FURIN: variants seen among roughly 807,000 people sequenced by gnomAD.
The protein encoded by FURIN is FES upstream region.
A neutral mutation model predicts 89.2 loss-of-function variants in FURIN; 18 were observed. The observed-to-expected ratio is 0.20, with a 90% CI of 0.14 to 0.30. The LOEUF is 0.30. FURIN is among the 10% of genes least tolerant of loss of function. The pLI is 1.00. For missense variants in FURIN, 879 were observed against 1,100.5 expected (o/e 0.80, Z 2.85); for synonymous variants, 508 against 466.4 (o/e 1.09, Z -1.15).
In FURIN at chr15:90,879,449, G is replaced by T; in HGVS notation, c.1059G>T (p.Thr353=). 1.2e-6 allele frequency: 2 copies of T among 1,611,366 alleles called. No homozygotes were observed. Among genetic ancestry groups the T allele is most frequent in the Non-Finnish European group, 1.7e-6 (2 of 1,177,726 alleles). The change falls in exon 10 of 16, where the codon ACG becomes ACT. Residue 353 remains threonine, a synonymous_variant. Transcript: ENST00000268171. ...TATGATTCTCTTCCTGGCAGGTGAC[G>T]ACTGACTTGCGGCAGAAGTGCACGG... ...SGNQNEKQIV[T]TDLRQKCTES... is the part of the protein sequence containing the mutation.
chr15:90,876,285 C>T lies in FURIN; in HGVS notation c.208C>T (p.Arg70Ter). ...IFGDYYHFWH[R>*]GVTKRSLSPH... is the part of the protein sequence containing the mutation. ...CGGGGACTATTACCACTTCTGGCATCGAGGAGTGACGAAGCGGTCCCTGTC... is the reference window on the plus strand; with the variant it reads ...CGGGGACTATTACCACTTCTGGCATTGAGGAGTGACGAAGCGGTCCCTGTC... Residue 70 changes from arginine (R) to a stop codon, truncating the protein, a stop_gained, in exon 3 of 16, where the codon CGA (arginine) becomes TGA (stop). Coordinates refer to ENST00000268171, the MANE Select transcript of FURIN (RefSeq NM_002569.4). LOFTEE classifies it high-confidence loss of function. This position sits in a 1 kb window ranked among gnomAD's most constrained non-coding sequence, Gnocchi z 5.0. 6.2e-7 allele frequency: 1 copy of T among 1,611,734 alleles called. No homozygotes were observed. The highest frequency in any genetic ancestry group is 8.5e-7 in the Non-Finnish European group (1 of 1,178,138).
In FURIN at chr15:90,876,424, T is replaced by C. The variant is rs202104093; in HGVS notation, c.277-38T>C. The C allele has an allele frequency of 1.3e-6, 2 of 1,552,870 alleles. No homozygotes were observed. The highest frequency in any genetic ancestry group is 2.7e-5 in the African/African-American group (2 of 73,272). ...GCTCTCAGGAGCCCCTCTCGCCTCC[T>C]GCTCCACCCACACCATCTCTCCCTC... On this transcript the variant is annotated intron_variant, in intron 3 of 15. Coordinates refer to ENST00000268171, the MANE Select transcript of FURIN (RefSeq NM_002569.4). This position sits in a 1 kb window ranked among gnomAD's most constrained non-coding sequence, Gnocchi z 5.0.
At chr15:90,879,070 A>G (rs1050873951) in intron 9 of FURIN, 94 bp downstream of exon 9, 2 of 798,796 alleles carry the variant, frequency 2.5e-6, no homozygotes, top group Admixed American at 2.2e-5. Context: ...CTCCACCCCC[A>G]TGTGGCTGGG....
At chr15:90,871,326 C>T (rs973218324) in intron 1 of FURIN, among the ~76,000 whole-genome samples, 4 of 152,154 alleles carry the variant, frequency 2.6e-5, no homozygotes, top group African/African-American at 9.6e-5. Context: ...AGAGCCGAGC[C>T]CGGGGGCGGG....
chr15:90,876,293 G>A lies in FURIN; in HGVS notation c.216G>A (p.Val72=), dbSNP rs757448938. The change falls in exon 3 of 16, where the codon GTG becomes GTA. Residue 72 remains valine, a synonymous_variant. Transcript: ENST00000268171. This position sits in a 1 kb window ranked among gnomAD's most constrained non-coding sequence, Gnocchi z 5.0. ...ATTACCACTTCTGGCATCGAGGAGT[G>A]ACGAAGCGGTCCCTGTCGCCTCACC... ...GDYYHFWHRG[V]TKRSLSPHRP... The A allele has an allele frequency of 1.2e-6, 2 of 1,612,834 alleles. No homozygotes were observed. The highest frequency in any genetic ancestry group is 1.7e-6 in the Non-Finnish European group (2 of 1,179,080).
Position 90,875,627 on chromosome 15 carries a change from T to C in FURIN, c.-114T>C. ...CCGAGCCCTGCCCGTCTCGGCCCCA[T>C]GCCCCCACCAGTCAGCCCCGGGCCA... On this transcript the variant is annotated 5_prime_UTR_variant, in exon 2 of 16. It removes an upstream start codon present in the reference 5' UTR. Transcript: ENST00000268171. The C allele has an allele frequency of 1.1e-6, 1 of 916,422 alleles. No homozygotes were observed. 56.8% of individuals were successfully genotyped at this position (916,422 alleles called of 1,614,324 possible). A position where few individuals can be genotyped will look rare whatever the true frequency, so the allele number is the denominator to read the frequency against.
At position 90,881,299 on chromosome 15, in the gene FURIN, C is replaced by T. The variant is rs1335782329; in HGVS notation, c.1806C>T (p.Gly602=). 1 of 1,600,590 alleles carries T rather than the reference C, an allele frequency of 6.2e-7. No homozygotes were observed. The highest frequency in any genetic ancestry group is 8.5e-7 in the Non-Finnish European group (1 of 1,171,026). The change falls in exon 16 of 16, where the codon GGC becomes GGT. Residue 602 remains glycine (G), a synonymous_variant. Coordinates refer to ENST00000268171, the MANE Select transcript of FURIN (RefSeq NM_002569.4). The surrounding 1 kb of genome is among the most constrained non-coding windows in gnomAD (Gnocchi z 4.3). ...SSQACVVCEE[G]FSLHQKSCVQ... ...CCACGCCGGCAGTGTGCGAGGAAGG[C>T]TTCTCCCTGCACCAGAAGAGCTGTG...
chr15:90,876,914 G>A lies in FURIN; in HGVS notation c.391G>A (p.Asp131Asn), dbSNP rs1305469194. 4 of 1,614,044 alleles carry A rather than the reference G, an allele frequency of 2.5e-6. No individual in the cohort carries two copies. The highest frequency in any genetic ancestry group is 1.7e-5 in the Admixed American group (1 of 60,004). ...QWYLSGVTQR[D>N]LNVKAAWAQG... ...TCCACAGTCTGGTGTCACTCAGCGG[G>A]ACCTGAATGTGAAGGCGGCCTGGGC... Residue 131 changes from aspartate to asparagine, a missense_variant, in exon 5 of 16, where the codon GAC becomes AAC. By Grantham distance (23) the Asp-to-Asn change is conservative. Transcript: ENST00000268171. This position sits in a 1 kb window ranked among gnomAD's most constrained non-coding sequence, Gnocchi z 5.0.
rs2031787650 is a variant in FURIN at position 90,878,964 on chromosome 15, T to G, written c.1041T>G (p.Asn347Lys). Residue 347 changes from asparagine to lysine, a missense_variant, in exon 9 of 16, where the codon AAT (asparagine) becomes AAG (lysine). By Grantham distance (94) the Asn-to-Lys change is moderately conservative. Transcript: ENST00000268171. The part of the protein sequence containing the change: ...LATTYSSGNQ[N>K]EKQIVTTDLR... ...CGACCTACAGCAGTGGCAACCAGAA[T>G]GAGAAGCAGATCGTGAGTCTTACCT... The G allele has an allele frequency of 3.1e-6, 5 of 1,589,436 alleles. No individual in the cohort carries two copies. Among genetic ancestry groups the G allele is most frequent in the Non-Finnish European group, 4.3e-6 (5 of 1,166,070 alleles).
At position 90,878,192 on chromosome 15, in the gene FURIN, A is replaced by G; in HGVS notation, c.728A>G (p.Asn243Ser). 6.2e-7 allele frequency: 1 copy of G among 1,613,556 alleles called. No homozygotes were observed. Among genetic ancestry groups the G allele is most frequent in the Non-Finnish European group, 8.5e-7 (1 of 1,179,934 alleles). The change falls in exon 8 of 16, where the codon AAC (asparagine) becomes AGC (serine). Residue 243 changes from asparagine to serine, a missense_variant. Around this residue, in one of 5 missense-constraint regions of FURIN, gnomAD observed 139 missense variants for 215.0 expected, o/e 0.65. Transcript: ENST00000268171. ...DAVEARSLGLNPNHIHIYSAS... is the reference protein window; with the variant it reads ...DAVEARSLGLSPNHIHIYSAS... ...GTGGAGGCACGCTCGCTGGGCCTGAACCCCAACCACATCCACATCTACAGT... is the reference window on the plus strand; with the variant it reads ...GTGGAGGCACGCTCGCTGGGCCTGAGCCCCAACCACATCCACATCTACAGT...
intron 1 of FURIN, among the ~76,000 whole-genome samples, chr15:90,869,016 C>CA (rs1347049267): frequency 1.3e-5 from 2 of 152,164 alleles, no homozygotes; most frequent in East Asian, 3.8e-4. Context: ...AAGGAGACAA[C>CA]AGGAGTGCTT....
At position 90,876,394 on chromosome 15, in the gene FURIN, C is replaced by T. The variant is rs1454322191; in HGVS notation, c.276+41C>T. ...GCCCCCTCCTGCTGCCACCCTCCCC[C>T]TCCTGCTCTCAGGAGCCCCTCTCGC... On this transcript the variant is annotated intron_variant, in intron 3 of 15. Transcript: ENST00000268171. The surrounding 1 kb of genome is among the most constrained non-coding windows in gnomAD (Gnocchi z 5.0). 1.7e-5 allele frequency: 26 copies of T among 1,521,696 alleles called. No individual in the cohort carries two copies. The highest frequency in any genetic ancestry group is 2.3e-5 in the Non-Finnish European group (25 of 1,095,918). 94.3% of individuals were successfully genotyped at this position (1,521,696 alleles called of 1,614,324 possible).
chr15:90,877,479 C>G lies in FURIN; in HGVS notation c.579-48C>G. On this transcript the variant is annotated intron_variant, in intron 6 of 15. Transcript: ENST00000268171. ...CTCCTCAGGCCACATCTGCCGGGCC[C>G]TGTTCACCCCATTTGTTCTACTCAT... is the stretch of plus-strand genomic sequence containing the variant. 3 of 1,447,766 alleles carry G rather than the reference C, an allele frequency of 2.1e-6. No individual in the cohort carries two copies. In the South Asian group the frequency reaches 3.7e-5, roughly 18 times the overall value. 89.7% of individuals were successfully genotyped at this position (1,447,766 alleles called of 1,614,324 possible).
At position 90,882,144 on chromosome 15, in the gene FURIN, C is replaced by A; in HGVS notation, c.*266C>A. Reference sequence around the variant, plus strand: ...ACCTTTAGGGCAGCTTGCCCCGGCCCCGGCCCCAGCCAGAGTTCCTGCGGA... The same window carrying A: ...ACCTTTAGGGCAGCTTGCCCCGGCCACGGCCCCAGCCAGAGTTCCTGCGGA... On this transcript the variant is annotated 3_prime_UTR_variant, in exon 16 of 16. Coordinates refer to ENST00000268171, the MANE Select transcript of FURIN (RefSeq NM_002569.4). The A allele has an allele frequency of 2.2e-6, 1 of 449,092 alleles. No homozygotes were observed. 27.8% of individuals were successfully genotyped at this position (449,092 alleles called of 1,614,324 possible).
chr15:90,874,440 A>G (rs1468347029), intron 1 of FURIN, among the ~76,000 whole-genome samples: 3 of 152,200 alleles, frequency 2.0e-5, no homozygotes, highest in African/African-American at 4.8e-5. Context: ...TTCCCCAGGA[A>G]ACTGTAAAAA....
chr15:90,879,743 C>T lies in FURIN; in HGVS notation c.1227C>T (p.Asn409=), dbSNP rs763845576. ...CGAAGCCAGCCCACCTCAATGCCAACGACTGGGCCACCAATGGTGTGGGCC... is the reference window on the plus strand; with the variant it reads ...CGAAGCCAGCCCACCTCAATGCCAATGACTGGGCCACCAATGGTGTGGGCC... The part of the protein sequence containing the change: ...QTSKPAHLNA[N]DWATNGVGRK... The change falls in exon 11 of 16, where the codon AAC becomes AAT. Residue 409 remains asparagine (N), a synonymous_variant. Coordinates refer to ENST00000268171, the MANE Select transcript of FURIN (RefSeq NM_002569.4). 5.6e-6 allele frequency: 9 copies of T among 1,613,684 alleles called. No homozygotes were observed. The highest frequency in any genetic ancestry group is 2.2e-5 in the South Asian group (2 of 91,092).
At position 90,881,915 on chromosome 15, in the gene FURIN, CT is replaced by C; in HGVS notation, c.*39del. Reference sequence around the variant, plus strand: ...CCCACCCCCTCAAGCCAATCCCCTCCTTGGGCACTTTTTAATTCACCAAAGT... The same window carrying C: ...CCCACCCCCTCAAGCCAATCCCCTCCTGGGCACTTTTTAATTCACCAAAGT... On this transcript the variant is annotated 3_prime_UTR_variant, in exon 16 of 16. Transcript: ENST00000268171. The surrounding 1 kb of genome is among the most constrained non-coding windows in gnomAD (Gnocchi z 4.3). 1 of 1,400,522 alleles carries C rather than the reference CT, an allele frequency of 7.1e-7. No individual in the cohort carries two copies. Among genetic ancestry groups the C allele is most frequent in the Non-Finnish European group, 9.9e-7 (1 of 1,010,712 alleles). 86.8% of individuals were successfully genotyped at this position (1,400,522 alleles called of 1,614,324 possible).
At chr15:90,880,391 T>C (rs2031894312) in intron 13 of FURIN, 118 bp downstream of exon 13, 2 of 832,100 alleles carry the variant, frequency 2.4e-6, no homozygotes, top group Admixed American at 5.8e-5. Flanking sequence ...TGGGGCACTC[T>C]TGGCATTTTG....
chr15:90,880,540 T>C, intron 13 of FURIN, 151 bp from the exon 14 acceptor site: 1 of 823,302 alleles, frequency 1.2e-6, no homozygotes, highest in Non-Finnish European at 1.9e-6. Flanking sequence ...CACGTCTGGC[T>C]CACTGAGAAA....
Sources: allele counts gnomAD v4.1 joint callset (sites outside exome capture counted in the v4.1 genomes callset), GRCh38; gene constraint gnomAD v4.1.1; regional missense constraint gnomAD v4.1.1; non-coding constraint Gnocchi (gnomAD v3.1); transcripts MANE v1.5; gene names NCBI Gene and HGNC (gene_info 2026-07-23, HGNC 2026-07-21).